Variants in GLB1L3 observed in about 807,000 individuals in gnomAD.
The protein encoded by GLB1L3 is galactosidase beta 1 like 3.
Under a neutral mutation model 89.5 loss-of-function variants are expected in GLB1L3, and 89 were observed. The ratio of observed to expected loss-of-function variants is 0.99; its 90% CI spans 0.84 to 1.19. The LOEUF (loss-of-function observed/expected upper bound fraction) is 1.19, where lower values mean the gene tolerates loss of function less well. Among genes scored for constraint, GLB1L3 ranks in the 50% most tolerant of loss-of-function variants. The pLI is 0.00. For synonymous variants in GLB1L3, 314 were observed against 312.3 expected, an observed-to-expected ratio of 1.01 and a Z score of -0.06; for missense variants, 812 against 813.3, an observed-to-expected ratio of 1.00 and a Z score of 0.02.
chr11:134,284,509 CCT>C, intron 6 of GLB1L3, among the ~76,000 whole-genome samples: 4 of 152,044 alleles, frequency 2.6e-5, no homozygotes, highest in Non-Finnish European at 5.9e-5. Context: ...AGGGGGGTCA[CCT>C]GAGGTCAGGA....
intron 6 of GLB1L3, 99 bp from the exon 7 acceptor site, chr11:134,288,699 T>A: frequency 1.3e-6 from 1 of 770,164 alleles, no homozygotes; most frequent in African/African-American, 1.7e-5. Flanking sequence ...GATCAGAGCC[T>A]GCCGCACCAG....
chr11:134,312,752 G>T (rs1042674290), intron 14 of GLB1L3, 64 bp from the exon 15 acceptor site: 3 of 1,354,746 alleles, frequency 2.2e-6, no homozygotes, highest in East Asian at 4.8e-5. Flanking sequence ...TCCCGAAACC[G>T]CGGCCTCTCT....
At chr11:134,284,708 AAC>A (rs1430912736) in intron 6 of GLB1L3, among the ~76,000 whole-genome samples, 1 of 152,000 alleles carries the variant, frequency 6.6e-6, no homozygotes, top group African/African-American at 2.4e-5. Context: ...CAGCCTGGGC[AAC>A]AGAGTGACAC....
intron 10 of GLB1L3, among the ~76,000 whole-genome samples, chr11:134,308,520 TGTCCACCACCACTAC>T (rs1942500372): frequency 4.0e-5 from 1 of 25,300 alleles, no homozygotes; most frequent in South Asian, 1.8e-3. Context: ...ACCACCACCA[TGTCCACCACCACTAC>T]CACCACCATC....
intron 9 of GLB1L3, among the ~76,000 whole-genome samples, chr11:134,301,066 C>T (rs935893560): frequency 3.9e-5 from 6 of 152,204 alleles, no homozygotes; most frequent in African/African-American, 1.4e-4. Context: ...CAGACTCTCA[C>T]GCTGGCCCAC....
chr11:134,308,481 CACCACCATCACCACCAAAT>C, intron 10 of GLB1L3, among the ~76,000 whole-genome samples: 2 of 7,068 alleles, frequency 2.8e-4, no homozygotes, highest in Non-Finnish European at 6.4e-4. Context: ...CAAATACCAC[CACCACCATCACCACCAAAT>C]ACCACCACCA....
chr11:134,309,929 C>A, intron 11 of GLB1L3, 166 bp downstream of exon 11: 1 of 726,648 alleles, frequency 1.4e-6, no homozygotes, highest in Non-Finnish European at 2.2e-6. Context: ...GTTCATAATG[C>A]CCCAACAGGC....
At chr11:134,296,836 T>TATGATAATAATAATA in intron 9 of GLB1L3, among the ~76,000 whole-genome samples, 1 of 142,408 alleles carries the variant, frequency 7.0e-6, no homozygotes, top group African/African-American at 2.6e-5. Flanking sequence ...AAACTTAAAG[T>TATGATAATAATAATA]ATAATAATAA....
At chr11:134,314,248 G>A (rs1484177196) in intron 17 of GLB1L3, 82 bp from the exon 18 acceptor site, 12 of 942,642 alleles carry the variant, frequency 1.3e-5, no homozygotes, top group Admixed American at 5.1e-5. Flanking sequence ...CCTTAGGCTC[G>A]GCCCACGCCA....
At chr11:134,301,466 G>A (rs1406276719) in intron 9 of GLB1L3, among the ~76,000 whole-genome samples, 2 of 152,006 alleles carry the variant, frequency 1.3e-5, no homozygotes, top group African/African-American at 2.4e-5. Flanking sequence ...TATCATTTGT[G>A]CTGGTCTTTC....
intron 18 of GLB1L3, among the ~76,000 whole-genome samples, chr11:134,316,263 G>A (rs1361998397): frequency 6.6e-6 from 1 of 150,760 alleles, no homozygotes; most frequent in African/African-American, 2.4e-5. Context: ...TTTCATGACT[G>A]AAGAATTACA....
chr11:134,288,621 G>A (rs556125044), intron 6 of GLB1L3, among the ~76,000 whole-genome samples, 177 bp from the exon 7 acceptor site: 1 of 152,272 alleles, frequency 6.6e-6, no homozygotes, highest in Non-Finnish European at 1.5e-5. Flanking sequence ...GGCTCCCACA[G>A]CAGCCAAGTG....
chr11:134,311,020 G>A (rs1304839873), intron 12 of GLB1L3, 44 bp from the exon 13 acceptor site: 1 of 1,411,224 alleles, frequency 7.1e-7, no homozygotes, highest in East Asian at 2.3e-5. Flanking sequence ...GAAGGCAGTG[G>A]TCATCTCAGG....
chr11:134,276,708 G>A lies in GLB1L3; in HGVS notation c.-33G>A. ...GGGCCAGCGGAGAGGGGCGGAAGCC[G>A]CAAGGGACCCTCGGCGCCTCGGCCT... On this transcript the variant is annotated 5_prime_UTR_variant, in exon 1 of 20. Transcript: ENST00000431683. 1.4e-6 allele frequency: 2 copies of A among 1,436,846 alleles called. No homozygotes were observed. Among genetic ancestry groups the A allele is most frequent in the Non-Finnish European group, 1.8e-6 (2 of 1,096,104 alleles). The allele number at this position is 1,436,846 out of a possible 1,614,324, so 89.0% of individuals were successfully genotyped here. A position where few individuals can be genotyped will look rare whatever the true frequency, so the allele number is the denominator to read the frequency against.
intron 9 of GLB1L3, among the ~76,000 whole-genome samples, chr11:134,297,876 A>AAAAAAAAAAAAAAAAAAG (rs1555077361): frequency 1.9e-4 from 21 of 110,838 alleles, no homozygotes; most frequent in Non-Finnish European, 2.6e-4. Flanking sequence ...AAAAAAAAAA[A>AAAAAAAAAAAAAAAAAAG]AAAGAAAGAA....
chr11:134,281,256 T>C (rs1940668954), intron 3 of GLB1L3, 121 bp from the exon 4 acceptor site: 2 of 1,113,646 alleles, frequency 1.8e-6, no homozygotes, highest in Admixed American at 1.7e-5. Flanking sequence ...TTTCCACTGG[T>C]AACTTCAACT....
At chr11:134,287,527 A>G (rs1218171260) in intron 6 of GLB1L3, among the ~76,000 whole-genome samples, 2 of 152,248 alleles carry the variant, frequency 1.3e-5, no homozygotes, top group Admixed American at 6.5e-5. Context: ...GGCCGACTGG[A>G]AATTCCTCTG....
At chr11:134,312,630 A>C (rs528708246) in intron 14 of GLB1L3, 141 bp downstream of exon 14, 3 of 1,156,168 alleles carry the variant, frequency 2.6e-6, no homozygotes, top group Non-Finnish European at 3.7e-6. Context: ...AGTCAGGCCA[A>C]ATAGACTTGC....
intron 2 of GLB1L3, 63 bp downstream of exon 2, chr11:134,277,514 T>G: frequency 6.3e-7 from 1 of 1,591,612 alleles, no homozygotes; most frequent in South Asian, 1.1e-5. Flanking sequence ...TTGGAGAAAA[T>G]AGTATCGCGA....
Sources: allele counts gnomAD v4.1 joint callset (sites outside exome capture counted in the v4.1 genomes callset), GRCh38; gene constraint gnomAD v4.1.1; transcripts MANE v1.5; gene names NCBI Gene and HGNC (gene_info 2026-07-23, HGNC 2026-07-21).